Variants in LMNA observed in about 807,000 individuals in gnomAD.
The protein encoded by LMNA is lamin.
LMNA carries 20 observed loss-of-function variants against 70.4 expected under a neutral mutation model. The ratio of observed to expected loss-of-function variants is 0.28; its 90% CI spans 0.20 to 0.41. The LOEUF (loss-of-function observed/expected upper bound fraction) is 0.41, where lower values mean the gene tolerates loss of function less well. LMNA is among the 10% of genes least tolerant of loss of function. The probability of loss-of-function intolerance (pLI) is 1.00; values close to 1 mark genes in which losing one functional copy is unlikely to be tolerated. For synonymous variants in LMNA, 339 were observed against 372.8 expected (o/e 0.91, Z 1.04); for missense variants, 652 against 917.2 (o/e 0.71, Z 3.73).
At chr1:156,087,209 T>C (rs779474393) in intron 2 of LMNA, among the ~76,000 whole-genome samples, 35 of 152,052 alleles carry the variant, frequency 2.3e-4, no homozygotes, top group Admixed American at 2.6e-4. Context: ...TTCTCTCCCA[T>C]GTATAATGAG....
chr1:156,086,393 A>ACTCTCTCTCTCTCTCTCT (rs55740793), intron 2 of LMNA, among the ~76,000 whole-genome samples: 1,519 of 146,314 alleles, frequency 0.01, 7 homozygotes, highest in Non-Finnish European at 0.015. Context: ...GTGACCTCTG[A>ACTCTCTCTCTCTCTCTCT]CTCTCTCTCT....
At chr1:156,116,126 T>C (rs1445110318) in intron 1 of LMNA, among the ~76,000 whole-genome samples, 1 of 152,222 alleles carries the variant, frequency 6.6e-6, no homozygotes, top group East Asian at 1.9e-4. Flanking sequence ...GCCCTCTGCC[T>C]AGTGTCTTCG....
upstream of LMNA, chr1:156,114,675 G>A (rs1016407831): frequency 9.4e-6 from 5 of 529,824 alleles, no homozygotes; most frequent in Admixed American, 3.6e-5. Flanking sequence ...TTCAGAGGAG[G>A]ACCTATTAGA....
rs1428884514 is a variant in LMNA, at chr1:156,127,687, T to A, written c.357-2930T>A. Among the ~76,000 whole-genome samples the A allele has an allele frequency of 2.2e-4, 12 of 54,928 alleles. No homozygotes were observed. In the East Asian group the frequency reaches 3.0e-3, roughly 14 times the overall value. 36.0% of individuals were successfully genotyped at this position (54,928 alleles called of 152,430 possible). Reference sequence around the variant, plus strand: ...GTGCACACCACCGTACCCAGCTAAATTTTTTTTTTTTTTTTTTGAGATAGA... The same window carrying A: ...GTGCACACCACCGTACCCAGCTAAAATTTTTTTTTTTTTTTTTGAGATAGA... On this transcript the variant is annotated intron_variant, in intron 1 of 11. Transcript: ENST00000368300.
chr1:156,127,094 C>CACTGGGGGTTGG, intron 1 of LMNA: 1 of 641,686 alleles, frequency 1.6e-6, no homozygotes, highest in Non-Finnish European at 2.6e-6. Flanking sequence ...ATGCCAACCC[C>CACTGGGGGTTGG]CAGTGGAGTG....
upstream of LMNA, among the ~76,000 whole-genome samples, chr1:156,113,988 T>C (rs115697380): frequency 3.4e-3 from 518 of 152,242 alleles, 5 homozygotes; most frequent in African/African-American, 0.012. Context: ...TTTAGGGGAC[T>C]GTGGCTTGTT....
chr1:156,131,869 T>C (rs1410723852), intron 2 of LMNA, among the ~76,000 whole-genome samples: 5 of 152,216 alleles, frequency 3.3e-5, no homozygotes, highest in Admixed American at 2.0e-4. Context: ...CAATTTATCA[T>C]GTTAAAAGCT....
intron 3 of LMNA, among the ~76,000 whole-genome samples, chr1:156,100,748 C>T (rs917531948): frequency 2.6e-5 from 4 of 152,138 alleles, no homozygotes; most frequent in African/African-American, 4.8e-5. Context: ...ATACTCTACT[C>T]AAACATGTAT....
Position 156,135,710 on chromosome 1 carries a change from C to G in LMNA, c.937-191C>G, listed in dbSNP as rs1277490326. On this transcript the variant is annotated intron_variant, in intron 5 of 11. Transcript: ENST00000368300. This position sits in a 1 kb window ranked among gnomAD's most constrained non-coding sequence, Gnocchi z 4.8. ...GGTTTCAGTTAGACAAGGGGAAGGA[C>G]TTCCCAGTTGCCAGCCAAGACTATG... The G allele has an allele frequency of 9.7e-6, 6 of 616,310 alleles. No individual in the cohort carries two copies. Among genetic ancestry groups the G allele is most frequent in the Non-Finnish European group, 1.7e-5 (6 of 350,268 alleles). The allele number at this position is 616,310 out of a possible 1,614,324, so 38.2% of individuals were successfully genotyped here.
At chr1:156,093,352 G>C (rs971547403) in intron 3 of LMNA, among the ~76,000 whole-genome samples, 8 of 145,144 alleles carry the variant, frequency 5.5e-5, no homozygotes, top group Non-Finnish European at 8.9e-5. Context: ...TGTCACCCAG[G>C]CTAGAGTGCA....
At chr1:156,085,938 C>T (rs1648456877) in intron 2 of LMNA, among the ~76,000 whole-genome samples, 1 of 152,164 alleles carries the variant, frequency 6.6e-6, no homozygotes, top group South Asian at 2.1e-4. Flanking sequence ...CACCTGTAAT[C>T]GCAGCTACTT....
In LMNA at chr1:156,138,106, T is replaced by A. The variant is rs1030490994; in HGVS notation, c.1698+363T>A. 5 of 517,270 alleles carry A rather than the reference T, an allele frequency of 9.7e-6. No individual in the cohort carries two copies. The highest frequency in any genetic ancestry group is 1.7e-5 in the Non-Finnish European group (5 of 285,902). The allele number at this position is 517,270 out of a possible 1,614,324, so 32.0% of individuals were successfully genotyped here. ...CTTGTTGCATGCATATCCTCTCATTTCCCTCATTTTTCCTGCAAGAATGTT... is the reference window on the plus strand; with the variant it reads ...CTTGTTGCATGCATATCCTCTCATTACCCTCATTTTTCCTGCAAGAATGTT... On this transcript the variant is annotated intron_variant, in intron 10 of 11. Coordinates refer to ENST00000368300, the MANE Select transcript of LMNA (RefSeq NM_170707.4). The surrounding 1 kb of genome is among the most constrained non-coding windows in gnomAD (Gnocchi z 5.5).
chr1:156,092,679 C>CAA (rs1189267703), intron 3 of LMNA, among the ~76,000 whole-genome samples: 1 of 103,162 alleles, frequency 9.7e-6, no homozygotes, highest in Non-Finnish European at 2.0e-5. Flanking sequence ...GACTCCATCT[C>CAA]AAAAAAAAAA....
Position 156,138,410 on chromosome 1 carries a change from A to AGGAGCCT in LMNA, c.1699-68_1699-62dup. 2.0e-6 allele frequency: 3 copies of AGGAGCCT among 1,509,466 alleles called. No homozygotes were observed. The South Asian group carries it at 3.6e-5, about 18-fold the overall frequency. 93.5% of individuals were successfully genotyped at this position (1,509,466 alleles called of 1,614,324 possible). A position where few individuals can be genotyped will look rare whatever the true frequency, so the allele number is the denominator to read the frequency against. ...TCCTGCCTGGCGGCTGGGAGCCTGC[A>AGGAGCCT]GGAGCCTGGAGCCTGGTTGGGCCTG... On this transcript the variant is annotated intron_variant, in intron 10 of 11. Coordinates refer to ENST00000368300, the MANE Select transcript of LMNA (RefSeq NM_170707.4). The surrounding 1 kb of genome is among the most constrained non-coding windows in gnomAD (Gnocchi z 5.5).
At chr1:156,117,565 G>A (rs926523389) in intron 1 of LMNA, among the ~76,000 whole-genome samples, 1 of 151,994 alleles carries the variant, frequency 6.6e-6, no homozygotes, top group Non-Finnish European at 1.5e-5. Flanking sequence ...GTTTCACTCT[G>A]TTACCCAGGC....
rs1055634902 is a variant in LMNA at position 156,134,299 on chromosome 1, C to A, written c.514-104C>A. On this transcript the variant is annotated intron_variant, in intron 2 of 11. Transcript: ENST00000368300. This position sits in a 1 kb window ranked among gnomAD's most constrained non-coding sequence, Gnocchi z 5.3. ...AGGCCCTCCTTCCCTGGACCTGTTT[C>A]CACATGTGTGAAGGGGTGCACAGGC... The A allele has an allele frequency of 5.3e-6, 7 of 1,327,628 alleles. No individual in the cohort carries two copies. In the Admixed American group the frequency reaches 1.2e-4, roughly 22 times the overall value. 82.2% of individuals were successfully genotyped at this position (1,327,628 alleles called of 1,614,324 possible).
intron 1 of LMNA, among the ~76,000 whole-genome samples, chr1:156,122,067 T>C (rs2102836984): frequency 6.6e-6 from 1 of 152,196 alleles, no homozygotes; most frequent in East Asian, 1.9e-4. Context: ...ATCACGCCAC[T>C]GCACTCCAGC....
In LMNA at chr1:156,139,259, A is replaced by G; in HGVS notation, c.*153A>G. ...TCTTCTGTATTTTTTTTTCTAAGAG[A>G]AGTTATTTTCTACAGTGGTTTTATA... On this transcript the variant is annotated 3_prime_UTR_variant, in exon 12 of 12. Transcript: ENST00000368300. The G allele has an allele frequency of 6.8e-7, 1 of 1,460,242 alleles. No homozygotes were observed. The highest frequency in any genetic ancestry group is 2.5e-5 in the East Asian group (1 of 40,456). The allele number at this position is 1,460,242 out of a possible 1,614,324, so 90.5% of individuals were successfully genotyped here.
rs867569810 is a variant in LMNA, at chr1:156,134,204, A to G, written c.514-199A>G. Among the ~76,000 whole-genome samples the G allele has an allele frequency of 1.3e-5, 2 of 152,056 alleles. No individual in the cohort carries two copies. The highest frequency in any genetic ancestry group is 4.1e-4 in the South Asian group (2 of 4,826). ...CTGGCTACTTTTTTGTATTAGATAT[A>G]TATTTTCTCTCTTAGCACAGTACCT... On this transcript the variant is annotated intron_variant, in intron 2 of 11. Coordinates refer to ENST00000368300, the MANE Select transcript of LMNA (RefSeq NM_170707.4). The surrounding 1 kb of genome is among the most constrained non-coding windows in gnomAD (Gnocchi z 5.3).
Sources: gnomAD v4.1 joint callset for allele counts (sites outside exome capture counted in the v4.1 genomes callset) on GRCh38, gnomAD v4.1.1 for gene constraint, Gnocchi (gnomAD v3.1) non-coding constraint, MANE v1.5 for transcripts, NCBI Gene and HGNC (gene_info 2026-07-23, HGNC 2026-07-21) for gene names.